HECTD4: variants seen among roughly 807,000 people sequenced by gnomAD.
The protein encoded by HECTD4 is HECT domain E3 ubiquitin protein ligase 4.
A neutral mutation model predicts 471.5 loss-of-function variants in HECTD4; 114 were observed. The ratio of observed to expected loss-of-function variants is 0.24; its 90% confidence interval spans 0.21 to 0.28. The LOEUF (loss-of-function observed/expected upper bound fraction) is 0.28, where lower values mean the gene tolerates loss of function less well. Among genes scored for constraint, HECTD4 ranks in the 10% least tolerant of loss-of-function variants. The probability of loss-of-function intolerance (pLI) is 1.00; values close to 1 mark genes in which losing one functional copy is unlikely to be tolerated. For synonymous variants in HECTD4, 2,012 were observed against 2,256.0 expected (o/e 0.89, Z 3.07); for missense variants, 3,866 against 5,651.5 (o/e 0.68, Z 10.13).
chr12:112,281,622 C>CTAT (rs1186653260), intron 8 of HECTD4, among the ~76,000 whole-genome samples: 3 of 152,140 alleles, frequency 2.0e-5, no homozygotes, highest in African/African-American at 7.2e-5. Flanking sequence ...ATCATAAAAA[C>CTAT]TATTAACAAT....
rs556361867 is a variant in HECTD4 at position 112,200,812 on chromosome 12, A to C, written c.8407-14T>G. On this transcript the variant is annotated splice_polypyrimidine_tract_variant and intron_variant, in intron 54 of 75. Coordinates refer to ENST00000682272, the MANE Select transcript of HECTD4 (RefSeq NM_001388303.1). ...CAGTTCATTCACCTACAATAGGAAA[A>C]GAAAATGTCTGTTTGTGCTGTTTGC... 222 of 1,607,400 alleles carry C rather than the reference A, an allele frequency of 1.4e-4. No homozygotes were observed. Among genetic ancestry groups the C allele is most frequent in the Non-Finnish European group, 6.3e-5 (74 of 1,175,026 alleles).
At chr12:112,164,983 G>A (rs1248392503) in intron 72 of HECTD4, among the ~76,000 whole-genome samples, 1 of 146,272 alleles carries the variant, frequency 6.8e-6, no homozygotes, top group East Asian at 2.0e-4. Context: ...GTGCAGTGGC[G>A]CAATCTCAGC....
chr12:112,301,114 C>G (rs1354629525), intron 7 of HECTD4, among the ~76,000 whole-genome samples: 1 of 151,476 alleles, frequency 6.6e-6, no homozygotes, highest in Non-Finnish European at 1.5e-5. Context: ...TCTCGAACTC[C>G]TGACCTTGTG....
At chr12:112,218,411 T>TCC (rs2032993017) in intron 45 of HECTD4, among the ~76,000 whole-genome samples, 1 of 152,154 alleles carries the variant, frequency 6.6e-6, no homozygotes, top group African/African-American at 2.4e-5. Context: ...CCCTTAACTC[T>TCC]CCTTTGCCCC....
chr12:112,332,134 G>A (rs913438096), intron 1 of HECTD4, among the ~76,000 whole-genome samples: 1 of 151,694 alleles, frequency 6.6e-6, no homozygotes, highest in African/African-American at 2.4e-5. Flanking sequence ...TATACCACAA[G>A]CAGAAATAGG....
rs767930162 is a variant in HECTD4, at chr12:112,208,494, C to T, written c.8004G>A (p.Gln2668=). 6.3e-7 allele frequency: 1 copy of T among 1,585,078 alleles called. No individual in the cohort carries two copies. The highest frequency in any genetic ancestry group is 2.3e-5 in the East Asian group (1 of 44,354). Residue 2668 remains glutamine, a splice_region_variant and synonymous_variant, in exon 51 of 76, where the codon CAG becomes CAA. Transcript: ENST00000682272. Reference sequence around the variant, plus strand: ...TGATCTAAGCCTGTGGGTCTCTTACCTGAGGGATGTCATCATCGTCATCAT... The same window carrying T: ...TGATCTAAGCCTGTGGGTCTCTTACTTGAGGGATGTCATCATCGTCATCAT... ...SDDDDDDDIP[Q]EDHYALLVKA...
At chr12:112,240,089 G>A in intron 32 of HECTD4, 62 bp from the exon 33 acceptor site, 1 of 1,556,588 alleles carries the variant, frequency 6.4e-7, no homozygotes, top group South Asian at 1.1e-5. Context: ...GGCTGAGCAG[G>A]AGAGGCCTCT....
In HECTD4 at chr12:112,382,139, G is replaced by T; in HGVS notation, c.-11C>A. ...CGCCGACGAGCCCATGGCCCCGGCT[G>T]AAGGCTTGGCGCTGAGGAGCAGACG... On this transcript the variant is annotated 5_prime_UTR_variant, in exon 1 of 76. Transcript: ENST00000682272. 8.2e-7 allele frequency: 1 copy of T among 1,218,874 alleles called. No individual in the cohort carries two copies. The allele number at this position is 1,218,874 out of a possible 1,614,324, so 75.5% of individuals were successfully genotyped here.
chr12:112,267,952 C>G (rs1338487404), intron 13 of HECTD4, among the ~76,000 whole-genome samples: 1 of 152,262 alleles, frequency 6.6e-6, no homozygotes, highest in Middle Eastern at 3.4e-3. Context: ...TCCCAAATAG[C>G]TGGGACTACA....
intron 2 of HECTD4, 65 bp from the exon 3 acceptor site, chr12:112,314,611 T>G: frequency 1.1e-6 from 1 of 912,894 alleles, no homozygotes; most frequent in Non-Finnish European, 1.7e-6. Flanking sequence ...AGGTCATTAA[T>G]GCTAATTTAA....
Position 112,302,572 on chromosome 12 carries a change from T to G in HECTD4, c.1335+3492A>C. On this transcript the variant is annotated intron_variant, in intron 7 of 75. Transcript: ENST00000682272. ...AATACCAAAATTCTTACGCCTTTTCTCAAACAGGGAATTCACCACTTTCTT... is the reference window on the plus strand; with the variant it reads ...AATACCAAAATTCTTACGCCTTTTCGCAAACAGGGAATTCACCACTTTCTT... 21 of 684,068 alleles carry G rather than the reference T, an allele frequency of 3.1e-5. No homozygotes were observed. In the South Asian group the frequency reaches 3.2e-4, roughly 10 times the overall value. 42.4% of individuals were successfully genotyped at this position (684,068 alleles called of 1,614,324 possible).
chr12:112,355,865 C>T (rs1203669572), intron 1 of HECTD4, among the ~76,000 whole-genome samples: 4 of 152,094 alleles, frequency 2.6e-5, no homozygotes, highest in African/African-American at 7.2e-5. Flanking sequence ...ATCACAGATG[C>T]GAACAGTATT....
At position 112,256,391 on chromosome 12, in the gene HECTD4, G is replaced by A. The variant is rs1365564665; in HGVS notation, c.3256C>T (p.His1086Tyr). The A allele has an allele frequency of 6.2e-7, 1 of 1,613,098 alleles. No homozygotes were observed. The change falls in exon 21 of 76, where the codon CAT becomes TAT. Residue 1086 changes from histidine (H) to tyrosine (Y), a missense_variant. Transcript: ENST00000682272. ...TACAGGCAGCGAGCTCCTGGGATAT[G>A]GACCGTTTCTTTAAATTTATAGTTG... is the stretch of plus-strand genomic sequence containing the variant. ...RDNYKFKETV[H>Y]IPGARCLYLR...
chr12:112,234,512 T>C (rs1439786670), intron 37 of HECTD4, among the ~76,000 whole-genome samples: 1 of 152,248 alleles, frequency 6.6e-6, no homozygotes, highest in Admixed American at 6.5e-5. Context: ...CCCTGTGCTA[T>C]GTGGCAAGCC....
intron 64 of HECTD4, among the ~76,000 whole-genome samples, 191 bp downstream of exon 64, chr12:112,178,740 G>C (rs1461077940): frequency 1.3e-5 from 2 of 152,244 alleles, no homozygotes; most frequent in African/African-American, 2.4e-5. Flanking sequence ...GCTGAGGTGG[G>C]AGGATCGCTT....
At position 112,166,324 on chromosome 12, in the gene HECTD4, T is replaced by C. The variant is rs1439883101; in HGVS notation, c.12534+993A>G. 1 of 152,200 alleles carries C rather than the reference T, an allele frequency of 6.6e-6. No homozygotes were observed. The highest frequency in any genetic ancestry group is 1.5e-5 in the Non-Finnish European group (1 of 68,042). 9.4% of individuals were successfully genotyped at this position (152,200 alleles called of 1,614,324 possible). ...TGCCCTGAGTGACCCAGGGGGACAA[T>C]GGCAGAGACCAGAGACCTGGCCAGG... is the stretch of plus-strand genomic sequence containing the variant. On this transcript the variant is annotated intron_variant, in intron 72 of 75. Transcript: ENST00000682272. This position sits in a 1 kb window ranked among gnomAD's most constrained non-coding sequence, Gnocchi z 4.6.
In HECTD4 at chr12:112,319,616, T is replaced by C. The variant is rs1221373964; in HGVS notation, c.304A>G (p.Asn102Asp). Reference protein sequence around the residue: ...YRLNALRGLWNAQRQLALEEQ... With the variant: ...YRLNALRGLWDAQRQLALEEQ... ...TCTAAGGCCAGCTGGCGCTGGGCAT[T>C]CCACAGTCCTCGCAAGGCATTCAGG... is the stretch of plus-strand genomic sequence containing the variant. The change falls in exon 2 of 76, where the codon AAT (asparagine) becomes GAT (aspartate). Residue 102 changes from asparagine to aspartate, a missense_variant. Transcript: ENST00000682272. The surrounding 1 kb of genome is among the most constrained non-coding windows in gnomAD (Gnocchi z 5.3). The C allele has an allele frequency of 2.8e-6, 4 of 1,414,974 alleles. No homozygotes were observed. The highest frequency in any genetic ancestry group is 2.9e-5 in the Admixed American group (1 of 33,934). The allele number at this position is 1,414,974 out of a possible 1,614,324, so 87.7% of individuals were successfully genotyped here.
rs372573928 is a variant in HECTD4, at chr12:112,164,156, C to T, written c.12654G>A (p.Thr4218=). The change falls in exon 73 of 76, where the codon ACG becomes ACA. Residue 4218 remains threonine, a synonymous_variant. Coordinates refer to ENST00000682272, the MANE Select transcript of HECTD4 (RefSeq NM_001388303.1). ...GGCTGCACAGCTCCACCTCCTCGCC[C>T]GTCATGGTCAGGTAGGTGAACCTGC... ...PCCRFTYLTM[T]GEEVELCSRG... 162 of 1,613,172 alleles carry T rather than the reference C, an allele frequency of 1.0e-4. No homozygotes were observed. The highest frequency in any genetic ancestry group is 1.7e-4 in the Middle Eastern group (1 of 5,874).
intron 60 of HECTD4, among the ~76,000 whole-genome samples, chr12:112,189,074 T>G (rs924962189): frequency 6.6e-6 from 1 of 152,146 alleles, no homozygotes; most frequent in Non-Finnish European, 1.5e-5. Flanking sequence ...CTGGCTATGT[T>G]GCTCCATATC....
Sources: gnomAD v4.1 joint callset for allele counts (sites outside exome capture counted in the v4.1 genomes callset) on GRCh38, gnomAD v4.1.1 for gene constraint, Gnocchi (gnomAD v3.1) non-coding constraint, MANE v1.5 for transcripts, NCBI Gene and HGNC (gene_info 2026-07-23, HGNC 2026-07-21) for gene names.